The following ECPAS variants were observed in gnomAD, a reference collection of about 807,000 sequenced individuals.
The protein encoded by ECPAS is Ecm29 proteasome adaptor and scaffold.
A neutral mutation model predicts 255.1 loss-of-function variants in ECPAS; 70 were observed. The ratio of observed to expected loss-of-function variants is 0.27; its 90% CI spans 0.23 to 0.33. The LOEUF is 0.33. Among genes scored for constraint, ECPAS ranks in the 10% least tolerant of loss-of-function variants. The pLI, the probability that ECPAS is intolerant of heterozygous loss-of-function variation, is 1.00. For missense variants in ECPAS, 1,817 were observed against 2,206.4 expected (o/e 0.82, Z 3.54); for synonymous variants, 784 against 775.0 (o/e 1.01, Z -0.19).
chr9:111,471,720 C>T (rs1589238588), intron 2 of ECPAS, among the ~76,000 whole-genome samples: 1 of 152,274 alleles, frequency 6.6e-6, no homozygotes, highest in African/African-American at 2.4e-5. Context: ...AATTAAATGG[C>T]TTTTCTCAAA....
At position 111,422,090 on chromosome 9, in the gene ECPAS, G is replaced by A. The variant is rs776752537; in HGVS notation, c.1332+44C>T. On this transcript the variant is annotated intron_variant, in intron 14 of 49. Transcript: ENST00000684092. ...TTCCCTCCTTGTTGGGTTCCCAGGG[G>A]AACATCCAAACACAAAGCATAAACT... 6.2e-6 allele frequency: 10 copies of A among 1,613,556 alleles called. No individual in the cohort carries two copies. The South Asian group carries it at 6.6e-5, about 11-fold the overall frequency.
At chr9:111,368,987 T>C (rs757503859) in intron 46 of ECPAS, 48 bp downstream of exon 46, 2 of 1,463,840 alleles carry the variant, frequency 1.4e-6, no homozygotes, top group African/African-American at 1.5e-5. Flanking sequence ...TCGCTCTCAT[T>C]AAGTAACCTC....
At chr9:111,456,150 C>T (rs1229292507) in intron 2 of ECPAS, among the ~76,000 whole-genome samples, 1 of 152,068 alleles carries the variant, frequency 6.6e-6, no homozygotes, top group Non-Finnish European at 1.5e-5. Flanking sequence ...TGTAATAATA[C>T]ATACAGAAAA....
At chr9:111,434,917 T>TTTTA (rs1554794299) in intron 7 of ECPAS, among the ~76,000 whole-genome samples, 1 of 141,622 alleles carries the variant, frequency 7.1e-6, no homozygotes, top group South Asian at 2.3e-4. Context: ...TTTTTTTTTT[T>TTTTA]ACACAGAGTC....
At chr9:111,434,896 CTTTTTT>C (rs3031129) in intron 7 of ECPAS, among the ~76,000 whole-genome samples, 17 of 92,182 alleles carry the variant, frequency 1.8e-4, no homozygotes, top group Admixed American at 1.2e-3. Context: ...CCACATCTGG[CTTTTTT>C]TTTTTTTTTT....
At chr9:111,372,666 G>C (rs2098128862) in intron 41 of ECPAS, 46 bp from the exon 42 acceptor site, 2 of 1,445,250 alleles carry the variant, frequency 1.4e-6, no homozygotes, top group Non-Finnish European at 1.9e-6. Flanking sequence ...TTGTTTTTAA[G>C]GGTAACTGAT....
rs530964806 is a variant in ECPAS, at chr9:111,405,543, T to C, written c.2652+3028A>G. Among the ~76,000 whole-genome samples the C allele has an allele frequency of 1.0e-4, 15 of 149,804 alleles. 1 individual carries two copies. The South Asian group carries it at 3.1e-3, about 31-fold the overall frequency. On this transcript the variant is annotated intron_variant, in intron 24 of 49. Transcript: ENST00000684092. The stretch of plus-strand genomic sequence containing the variant: ...GACAACTAAAGCAAAAATTGACAAA[T>C]GGGATTATATCAAGCTAAAAAGCTT...
chr9:111,378,472 G>T, intron 36 of ECPAS, 108 bp downstream of exon 36: 2 of 1,119,250 alleles, frequency 1.8e-6, no homozygotes, highest in Non-Finnish European at 2.5e-6. Flanking sequence ...TGGTGACAGA[G>T]GGTGAGTTCT....
At position 111,386,024 on chromosome 9, in the gene ECPAS, A is replaced by G. The variant is rs2131585049; in HGVS notation, c.3527+353T>C. 1.3e-5 allele frequency among the ~76,000 whole-genome samples: 2 copies of G among 152,318 alleles called. 1 individual carries two copies. Among genetic ancestry groups the G allele is most frequent in the South Asian group, 4.1e-4 (2 of 4,822 alleles). ...GCCCAGGCTGGAGTTCAATGGCACA[A>G]TCTCGGCTCACTGCAACCTCTGCCC... On this transcript the variant is annotated intron_variant, in intron 32 of 49. Coordinates refer to ENST00000684092, the MANE Select transcript of ECPAS (RefSeq NM_001364929.1).
At chr9:111,387,572 C>T (rs1188939408) in intron 31 of ECPAS, among the ~76,000 whole-genome samples, 1 of 151,504 alleles carries the variant, frequency 6.6e-6, no homozygotes, top group Non-Finnish European at 1.5e-5. Context: ...CACTGTCTCA[C>T]TCACTGTCAG....
chr9:111,412,331 G>A (rs900176828), intron 20 of ECPAS, among the ~76,000 whole-genome samples, 183 bp from the exon 21 acceptor site: 3 of 152,110 alleles, frequency 2.0e-5, no homozygotes, highest in African/African-American at 7.2e-5. Context: ...GTCCATTTTC[G>A]TCAAAGATAC....
Position 111,394,292 on chromosome 9 carries a change from A to G in ECPAS, c.2790T>C (p.Asn930=). 6.5e-7 allele frequency: 1 copy of G among 1,539,132 alleles called. No individual in the cohort carries two copies. Among genetic ancestry groups the G allele is most frequent in the Non-Finnish European group, 8.8e-7 (1 of 1,141,364 alleles). Residue 930 remains asparagine, a synonymous_variant, in exon 26 of 50, where the codon AAT becomes AAC. Coordinates refer to ENST00000684092, the MANE Select transcript of ECPAS (RefSeq NM_001364929.1). ...CATCCAACACCCATGGAACCACATCATTCACTTTGGCTCCTGGGGAAAAGC... is the reference window on the plus strand; with the variant it reads ...CATCCAACACCCATGGAACCACATCGTTCACTTTGGCTCCTGGGGAAAAGC... The part of the protein sequence containing the change: ...EYTPPAGAKV[N]DVVPWVLDVI...
chr9:111,425,537 T>G (rs1193087573), intron 11 of ECPAS, 41 bp from the exon 12 acceptor site: 4 of 1,346,572 alleles, frequency 3.0e-6, no homozygotes, highest in Non-Finnish European at 3.1e-6. Flanking sequence ...GATAAGAATC[T>G]CATGACTACA....
At chr9:111,460,095 C>T (rs1369314926) in intron 2 of ECPAS, among the ~76,000 whole-genome samples, 1 of 151,774 alleles carries the variant, frequency 6.6e-6, no homozygotes, top group African/African-American at 2.4e-5. Context: ...GAGTCAAATC[C>T]AGCGATACAT....
Position 111,371,621 on chromosome 9 carries a change from C to T in ECPAS, c.4737G>A (p.Lys1579=). 1 of 1,613,032 alleles carries T rather than the reference C, an allele frequency of 6.2e-7. No individual in the cohort carries two copies. Among genetic ancestry groups the T allele is most frequent in the South Asian group, 1.1e-5 (1 of 91,042 alleles). Reference sequence around the variant, plus strand: ...AACTGGGTATGAATGGTTCCTTTACCTTTCCTGCCCACGTTCTTCCAGCCA... The same window carrying T: ...AACTGGGTATGAATGGTTCCTTTACTTTTCCTGCCCACGTTCTTCCAGCCA... The part of the protein sequence containing the change: ...QGLAGRTWAG[K]EELLKAIACV... Residue 1579 remains lysine, a splice_region_variant and synonymous_variant, in exon 43 of 50, where the codon AAG becomes AAA. Coordinates refer to ENST00000684092, the MANE Select transcript of ECPAS (RefSeq NM_001364929.1).
In ECPAS at chr9:111,437,025, A is replaced by T; in HGVS notation, c.623T>A (p.Ile208Asn). Residue 208 changes from isoleucine to asparagine, a missense_variant, in exon 7 of 50, where the codon ATC (isoleucine) becomes AAC (asparagine). This residue lies in a region of ECPAS where 573 missense variants were observed against 716.2 expected (regional missense o/e 0.80). Coordinates refer to ENST00000684092, the MANE Select transcript of ECPAS (RefSeq NM_001364929.1). ...GCTCATTCCCGGAGGAGGCTGTGGG[A>T]TTCCAGAACCTCCGCCACTGTTTGA... The part of the protein sequence containing the change: ...SSSNSGGGSG[I>N]PQPPPGMSFY... 2.5e-6 allele frequency: 4 copies of T among 1,613,194 alleles called. No homozygotes were observed. Among genetic ancestry groups the T allele is most frequent in the Non-Finnish European group, 3.4e-6 (4 of 1,179,598 alleles).
intron 20 of ECPAS, among the ~76,000 whole-genome samples, chr9:111,413,459 G>A (rs920238959): frequency 3.3e-5 from 5 of 152,084 alleles, no homozygotes; most frequent in African/African-American, 1.2e-4. Context: ...TTATGTGTAT[G>A]TACATAAGTA....
intron 20 of ECPAS, among the ~76,000 whole-genome samples, chr9:111,413,643 A>G (rs1202013382): frequency 6.6e-6 from 1 of 152,072 alleles, no homozygotes; most frequent in Non-Finnish European, 1.5e-5. Flanking sequence ...TTCAAAAAAA[A>G]AAAACTTTTG....
rs187251533 is a variant in ECPAS, at chr9:111,435,257, T to C, written c.708+1683A>G. Among the ~76,000 whole-genome samples, 294 of 152,212 alleles carry C rather than the reference T, an allele frequency of 1.9e-3. 2 individuals are homozygous for C. The highest frequency in any genetic ancestry group is 2.8e-3 in the Non-Finnish European group (191 of 68,012). The stretch of plus-strand genomic sequence containing the variant: ...ACTTGAATATTTACATTGTTTATAA[T>C]TGGAAAAAACATGTTTTCCTTGGAA... On this transcript the variant is annotated intron_variant, in intron 7 of 49. Transcript: ENST00000684092.
Sources: gnomAD v4.1 joint callset for allele counts (sites outside exome capture counted in the v4.1 genomes callset) on GRCh38, gnomAD v4.1.1 for gene constraint, gnomAD v4.1.1 regional missense constraint, MANE v1.5 for transcripts, NCBI Gene and HGNC (gene_info 2026-07-23, HGNC 2026-07-21) for gene names.